Variants in GARRE1 observed in about 807,000 individuals in gnomAD.
GARRE1 encodes the protein granule associated Rac and RHOG effector 1, also known as granule associated Rac and RHOG effector protein 1.
GARRE1 carries 49 observed loss-of-function variants against 103.2 expected under a neutral mutation model. That is an observed-to-expected ratio of 0.47 (90% CI 0.38 to 0.60). The LOEUF (loss-of-function observed/expected upper bound fraction) is 0.60. Among genes scored for constraint, GARRE1 ranks in the 20% least tolerant of loss-of-function variants. GARRE1 has a pLI of 0.00. For missense variants in GARRE1, 1,199 were observed against 1,370.5 expected (o/e 0.87, Z 1.98); for synonymous variants, 505 against 532.8 (o/e 0.95, Z 0.72).
intron 8 of GARRE1, among the ~76,000 whole-genome samples, chr19:34,338,628 A>T (rs531208911): frequency 6.6e-6 from 1 of 152,158 alleles, no homozygotes; most frequent in African/African-American, 2.4e-5. Flanking sequence ...CCAAAATCTC[A>T]GGAAAGAGAA....
At chr19:34,349,268 G>C (rs1373329715) in intron 12 of GARRE1, 115 bp downstream of exon 12, 2 of 1,046,380 alleles carry the variant, frequency 1.9e-6, no homozygotes, top group East Asian at 5.0e-5. Context: ...TGTGTGAGAG[G>C]AGGGGCTCTT....
chr19:34,271,855 A>C (rs2073790316), intron 1 of GARRE1, among the ~76,000 whole-genome samples: 1 of 150,804 alleles, frequency 6.6e-6, no homozygotes, highest in Non-Finnish European at 1.5e-5. Context: ...ACAAAAACAA[A>C]AAAACTAGGG....
At chr19:34,276,932 G>A (rs1008481955) in intron 1 of GARRE1, among the ~76,000 whole-genome samples, 1 of 152,198 alleles carries the variant, frequency 6.6e-6, no homozygotes, top group Non-Finnish European at 1.5e-5. Context: ...TAAGATGATT[G>A]CAAGTTGTCA....
intron 1 of GARRE1, among the ~76,000 whole-genome samples, chr19:34,267,004 T>G (rs2073756707): frequency 6.6e-6 from 1 of 152,108 alleles, no homozygotes; most frequent in Non-Finnish European, 1.5e-5. Flanking sequence ...TAGTTTATGC[T>G]TGTAATCCCA....
At position 34,300,927 on chromosome 19, in the gene GARRE1, A is replaced by G. The variant is rs752822969; in HGVS notation, c.454A>G (p.Asn152Asp). Residue 152 changes from asparagine to aspartate, a missense_variant, in exon 2 of 14, where the codon AAT becomes GAT. Transcript: ENST00000299505. ...AATGGAACTTAGTGCTGGGGCTGCA[A>G]ATTTTACGGATCAGAAGGAATTCAG... ...MLMELSAGAA[N>D]FTDQKEFSLQ... is the part of the protein sequence containing the mutation. 5.6e-6 allele frequency: 9 copies of G among 1,604,930 alleles called. No individual in the cohort carries two copies. Among genetic ancestry groups the G allele is most frequent in the Non-Finnish European group, 5.1e-6 (6 of 1,179,876 alleles).
At chr19:34,322,463 T>G (rs2074093723) in intron 3 of GARRE1, among the ~76,000 whole-genome samples, 1 of 150,730 alleles carries the variant, frequency 6.6e-6, no homozygotes, top group Non-Finnish European at 1.5e-5. Context: ...TGAGCCACCA[T>G]GCCTGGCCAT....
intron 6 of GARRE1, among the ~76,000 whole-genome samples, chr19:34,328,598 C>T (rs563620496): frequency 9.9e-5 from 15 of 151,228 alleles, no homozygotes; most frequent in African/African-American, 1.7e-4. Context: ...AGCAAGTTTT[C>T]GTTTTGTTTT....
intron 11 of GARRE1, 46 bp from the exon 12 acceptor site, chr19:34,348,970 T>C: frequency 6.2e-7 from 1 of 1,601,194 alleles, no homozygotes; most frequent in Non-Finnish European, 8.5e-7. Flanking sequence ...TGGCGGGTGG[T>C]GGGGCTGCAG....
chr19:34,304,770 T>A (rs2145245762), intron 2 of GARRE1, among the ~76,000 whole-genome samples: 1 of 151,742 alleles, frequency 6.6e-6, no homozygotes, highest in Admixed American at 6.6e-5. Flanking sequence ...GTCATAATTT[T>A]ATTTTTATTT....
At chr19:34,304,008 G>A (rs1263129346) in intron 2 of GARRE1, among the ~76,000 whole-genome samples, 5 of 152,138 alleles carry the variant, frequency 3.3e-5, no homozygotes, top group Admixed American at 6.5e-5. Context: ...GGGTTTGGCC[G>A]ATGGGTTCTA....
At position 34,342,020 on chromosome 19, in the gene GARRE1, G is replaced by A; in HGVS notation, c.2086G>A (p.Val696Met). 2.5e-6 allele frequency: 4 copies of A among 1,614,064 alleles called. No individual in the cohort carries two copies. The highest frequency in any genetic ancestry group is 2.2e-5 in the East Asian group (1 of 44,874). ...GCAACCACAGCAGCCGTCACTGCCT[G>A]TGCCCCCTCCACCACGGGCACCCCA... ...AMQPQQPSLPVPPPPRAPQAG... is the reference protein window; with the variant it reads ...AMQPQQPSLPMPPPPRAPQAG... Residue 696 changes from valine to methionine, a missense_variant, in exon 10 of 14, where the codon GTG (valine) becomes ATG (methionine). Coordinates refer to ENST00000299505, the MANE Select transcript of GARRE1 (RefSeq NM_014686.5).
chr19:34,290,873 G>GGTTT (rs2073913552), intron 1 of GARRE1, among the ~76,000 whole-genome samples: 1 of 99,438 alleles, frequency 1.0e-5, no homozygotes, highest in African/African-American at 4.3e-5. Flanking sequence ...AAAGCATATT[G>GGTTT]CTTTTTTTTT....
intron 1 of GARRE1, among the ~76,000 whole-genome samples, chr19:34,258,290 T>C (rs949065029): frequency 2.0e-5 from 3 of 152,198 alleles, no homozygotes; most frequent in African/African-American, 7.2e-5. Flanking sequence ...AGCCTAGTTT[T>C]GTACCTCTTA....
chr19:34,299,431 C>G (rs2073965149), intron 1 of GARRE1, among the ~76,000 whole-genome samples: 1 of 152,120 alleles, frequency 6.6e-6, no homozygotes, highest in Admixed American at 6.6e-5. Flanking sequence ...ACGTGCCAGC[C>G]TCAGCTTTGA....
At chr19:34,285,839 A>G (rs1479927942) in intron 1 of GARRE1, among the ~76,000 whole-genome samples, 1 of 152,192 alleles carries the variant, frequency 6.6e-6, no homozygotes. Context: ...TCTAGTTTTG[A>G]TTACAACAAA....
rs1374014631 is a variant in GARRE1 at position 34,339,855 on chromosome 19, A to G, written c.1362-12A>G. 1 of 1,614,072 alleles carries G rather than the reference A, an allele frequency of 6.2e-7. No individual in the cohort carries two copies. Among genetic ancestry groups the G allele is most frequent in the Non-Finnish European group, 8.5e-7 (1 of 1,179,980 alleles). ...ATGCAGCCAAGACTAATGCAGCCTA[A>G]TCTATGCCTAGGTGCCTGAAAGAAG... On this transcript the variant is annotated splice_polypyrimidine_tract_variant and intron_variant, in intron 8 of 13. Transcript: ENST00000299505.
intron 1 of GARRE1, among the ~76,000 whole-genome samples, chr19:34,277,911 C>G (rs1008863965): frequency 5.9e-5 from 6 of 102,306 alleles, no homozygotes; most frequent in African/African-American, 1.1e-4. Context: ...ACCCCCCCCC[C>G]CCACCCCCAG....
intron 8 of GARRE1, among the ~76,000 whole-genome samples, chr19:34,338,998 C>T (rs886633967): frequency 6.6e-6 from 1 of 152,022 alleles, no homozygotes; most frequent in African/African-American, 2.4e-5. Context: ...GCGAGAAGTG[C>T]TTAGATTCTG....
chr19:34,328,043 G>T lies in GARRE1; in HGVS notation c.996G>T (p.Pro332=). 2 of 1,614,134 alleles carry T rather than the reference G, an allele frequency of 1.2e-6. No individual in the cohort carries two copies. The highest frequency in any genetic ancestry group is 1.7e-6 in the Non-Finnish European group (2 of 1,180,024). ...AGACGGGGCGGAGGCAGACACCCCC[G>T]CAGCCCATGCAGTGTGAGCTCCCCA... The part of the protein sequence containing the change: ...AQQTGRRQTP[P]QPMQCELPTV... Residue 332 remains proline, a synonymous_variant, in exon 6 of 14, where the codon CCG becomes CCT. Transcript: ENST00000299505.
Sources: allele counts gnomAD v4.1 joint callset (sites outside exome capture counted in the v4.1 genomes callset), GRCh38; gene constraint gnomAD v4.1.1; transcripts MANE v1.5; gene names NCBI Gene and HGNC (gene_info 2026-07-23, HGNC 2026-07-21).